The following SGCE variants were observed in gnomAD, a reference collection of about 807,000 sequenced individuals.
SGCE encodes sarcoglycan epsilon, also known as epsilon-sarcoglycan.
A neutral mutation model predicts 57.8 loss-of-function variants in SGCE; 26 were observed. The observed-to-expected ratio is 0.45, with a 90% CI of 0.33 to 0.62. The LOEUF is 0.62. Among genes scored for constraint, SGCE ranks in the 20% least tolerant of loss-of-function variants. SGCE has a pLI of 0.02. For missense variants in SGCE, 468 were observed against 548.6 expected (o/e 0.85, Z 1.47); for synonymous variants, 183 against 189.5 (o/e 0.97, Z 0.28).
In SGCE at chr7:94,586,061, G is replaced by GAAAAA. The variant is rs780812386; in HGVS notation, c.1298-551_1298-547dup. ...TTTAAAAGAAAACAAGGAACTAAAT[G>GAAAAA]AAAAAAAAAAAAAAAAAAAAAAAAA... On this transcript the variant is annotated intron_variant, in intron 10 of 10. Coordinates refer to ENST00000648936, the MANE Select transcript of SGCE (RefSeq NM_003919.3). Among the ~76,000 whole-genome samples, 103 of 28,894 alleles carry GAAAAA rather than the reference G, an allele frequency of 3.6e-3. 3 individuals are homozygous for GAAAAA. The highest frequency in any genetic ancestry group is 6.4e-3 in the East Asian group (5 of 780). 19.0% of individuals were successfully genotyped at this position (28,894 alleles called of 152,430 possible). A position where few individuals can be genotyped will look rare whatever the true frequency, so the allele number is the denominator to read the frequency against.
intron 5 of SGCE, among the ~76,000 whole-genome samples, chr7:94,609,744 T>G (rs1448500574): frequency 6.6e-6 from 1 of 152,192 alleles, no homozygotes. Context: ...AACAGCAACT[T>G]TTATTCATTG....
At position 94,618,865 on chromosome 7, in the gene SGCE, G is replaced by A. The variant is rs768286622; in HGVS notation, c.555C>T (p.Gly185=). The A allele has an allele frequency of 1.7e-5, 28 of 1,613,718 alleles. No homozygotes were observed. The highest frequency in any genetic ancestry group is 6.7e-5 in the African/African-American group (5 of 74,862). Residue 185 remains glycine (G), a synonymous_variant, in exon 5 of 11, where the codon GGC becomes GGT. Transcript: ENST00000648936. Reference sequence around the variant, plus strand: ...CTGGCTGCCACACATTTTTCACTGCGCCAAGAAAGTCTCCAAGAACCTCAC... The same window carrying A: ...CTGGCTGCCACACATTTTTCACTGCACCAAGAAAGTCTCCAAGAACCTCAC... ...LASEVLGDFL[G]AVKNVWQPER...
intron 5 of SGCE, chr7:94,617,156 G>T (rs1161016301): frequency 6.6e-6 from 1 of 152,144 alleles, no homozygotes; most frequent in Non-Finnish European, 1.5e-5. Context: ...GTCTCTAGGG[G>T]GAACAAAGGC....
intron 1 of SGCE, among the ~76,000 whole-genome samples, chr7:94,635,035 T>C (rs543801348): frequency 2.0e-5 from 3 of 152,290 alleles, no homozygotes; most frequent in Admixed American, 2.0e-4. Flanking sequence ...TATAGCTAAA[T>C]CAGCCTAAGA....
chr7:94,648,307 G>A (rs1307327507), intron 1 of SGCE, among the ~76,000 whole-genome samples: 3 of 148,440 alleles, frequency 2.0e-5, no homozygotes, highest in African/African-American at 4.9e-5. Flanking sequence ...CCCGGGAGGC[G>A]GAGGTTGCAG....
intron 5 of SGCE, among the ~76,000 whole-genome samples, chr7:94,609,844 A>G (rs1473178623): frequency 6.6e-6 from 1 of 152,184 alleles, no homozygotes; most frequent in Non-Finnish European, 1.5e-5. Flanking sequence ...TGATCCAGCT[A>G]TCACTCTCCC....
At chr7:94,649,419 A>T (rs1036604974) in intron 1 of SGCE, among the ~76,000 whole-genome samples, 2 of 152,210 alleles carry the variant, frequency 1.3e-5, no homozygotes, top group African/African-American at 4.8e-5. Flanking sequence ...TAAAATGTAG[A>T]CACTGGGGAT....
intron 10 of SGCE, chr7:94,586,871 G>C (rs1796979058): frequency 2.0e-6 from 2 of 985,102 alleles, no homozygotes. Flanking sequence ...AAAAATGCTA[G>C]GGTGGTCTCT....
At chr7:94,608,633 G>C (rs1263769932) in intron 5 of SGCE, among the ~76,000 whole-genome samples, 1 of 152,082 alleles carries the variant, frequency 6.6e-6, no homozygotes, top group Non-Finnish European at 1.5e-5. Flanking sequence ...TGAAGGAGAA[G>C]AACAAATTTT....
rs1046366167 is a variant in SGCE, at chr7:94,655,904, G to T, written c.109+86C>A. On this transcript the variant is annotated intron_variant, in intron 1 of 10. Coordinates refer to ENST00000648936, the MANE Select transcript of SGCE (RefSeq NM_003919.3). ...AGAGAGGCTGGTGCCCAAAGGGCGC[G>T]CTCAGGCGCCCGGAACCCGAGCGGG... The T allele has an allele frequency of 2.4e-4, 199 of 828,342 alleles. 1 individual carries two copies. The highest frequency in any genetic ancestry group is 3.8e-4 in the Non-Finnish European group (185 of 491,256). 51.3% of individuals were successfully genotyped at this position (828,342 alleles called of 1,614,324 possible). A position where few individuals can be genotyped will look rare whatever the true frequency, so the allele number is the denominator to read the frequency against.
intron 9 of SGCE, among the ~76,000 whole-genome samples, chr7:94,596,378 C>G (rs1432268082): frequency 6.6e-6 from 1 of 152,120 alleles, no homozygotes; most frequent in Non-Finnish European, 1.5e-5. Context: ...TTAAATTTCA[C>G]TAGCAATAGA....
intron 6 of SGCE, among the ~76,000 whole-genome samples, chr7:94,602,675 C>A (rs1446541545): frequency 6.6e-6 from 1 of 151,846 alleles, no homozygotes. Flanking sequence ...ATAAAATATG[C>A]AAACATATGT....
chr7:94,607,382 A>G (rs1453726584), intron 5 of SGCE, among the ~76,000 whole-genome samples: 1 of 152,196 alleles, frequency 6.6e-6, no homozygotes, highest in Non-Finnish European at 1.5e-5. Context: ...CATCTCTCAT[A>G]AACACAGGTG....
chr7:94,641,792 T>C (rs182234721), intron 1 of SGCE, among the ~76,000 whole-genome samples: 1 of 152,190 alleles, frequency 6.6e-6, no homozygotes, highest in African/African-American at 2.4e-5. Flanking sequence ...ACCCAGATTA[T>C]TATTATTATT....
At chr7:94,633,925 T>C (rs1206969163) in intron 1 of SGCE, among the ~76,000 whole-genome samples, 1 of 152,156 alleles carries the variant, frequency 6.6e-6, no homozygotes, top group Non-Finnish European at 1.5e-5. Flanking sequence ...CAGAGAACAC[T>C]TGCCAGTTCT....
Position 94,585,218 on chromosome 7 carries a change from C to T in SGCE, c.*281G>A. 2.8e-6 allele frequency: 1 copy of T among 361,698 alleles called. No individual in the cohort carries two copies. The highest frequency in any genetic ancestry group is 5.0e-6 in the Non-Finnish European group (1 of 200,774). 22.4% of individuals were successfully genotyped at this position (361,698 alleles called of 1,614,324 possible). On this transcript the variant is annotated 3_prime_UTR_variant, in exon 11 of 11. Coordinates refer to ENST00000648936, the MANE Select transcript of SGCE (RefSeq NM_003919.3). ...AATAGTTTACTGAAGTAAATTTCAC[C>T]AGTCATTAGGCTTCATTAATAATAT... is the stretch of plus-strand genomic sequence containing the variant.
chr7:94,611,078 A>G (rs982173218), intron 5 of SGCE, among the ~76,000 whole-genome samples: 17 of 152,192 alleles, frequency 1.1e-4, no homozygotes, highest in African/African-American at 4.1e-4. Flanking sequence ...GCTTTGGAAA[A>G]CAGTCTGGCA....
intron 5 of SGCE, among the ~76,000 whole-genome samples, chr7:94,610,912 G>A (rs1281561498): frequency 1.1e-4 from 17 of 151,992 alleles, no homozygotes; most frequent in Admixed American, 7.9e-4. Context: ...CAACATCACC[G>A]GCCATCAGCA....
At chr7:94,595,417 A>T (rs1265115662) in intron 9 of SGCE, among the ~76,000 whole-genome samples, 1 of 152,158 alleles carries the variant, frequency 6.6e-6, no homozygotes, top group Non-Finnish European at 1.5e-5. Context: ...CAATCTGAAG[A>T]ATAAACATGA....
Sources: gnomAD v4.1 joint callset for allele counts (sites outside exome capture counted in the v4.1 genomes callset) on GRCh38, gnomAD v4.1.1 for gene constraint, MANE v1.5 for transcripts, NCBI Gene and HGNC (gene_info 2026-07-23, HGNC 2026-07-21) for gene names.